RNGTT: variants seen among roughly 807,000 people sequenced by gnomAD.
RNGTT encodes the protein mRNA-capping enzyme.
A neutral mutation model predicts 79.3 loss-of-function variants in RNGTT; 33 were observed. That is an observed-to-expected ratio of 0.42 (90% confidence interval 0.32 to 0.56). RNGTT has a LOEUF of 0.56. Ranked by LOEUF, RNGTT falls within the 20% of genes least tolerant of loss-of-function variation. The probability of loss-of-function intolerance (pLI) is 0.17; values close to 1 mark genes in which losing one functional copy is unlikely to be tolerated. For missense variants in RNGTT, 497 were observed against 739.1 expected (o/e 0.67, Z 3.80); for synonymous variants, 222 against 235.9 (o/e 0.94, Z 0.54).
At chr6:88,649,133 G>A (rs1055026951) in intron 14 of RNGTT, among the ~76,000 whole-genome samples, 1 of 152,122 alleles carries the variant, frequency 6.6e-6, no homozygotes, top group African/African-American at 2.4e-5. Flanking sequence ...ACCTATCATC[G>A]ATGTTAAGTG....
chr6:88,726,398 A>C (rs1462291348), intron 13 of RNGTT, among the ~76,000 whole-genome samples: 1 of 145,954 alleles, frequency 6.9e-6, no homozygotes, highest in African/African-American at 2.8e-5. Flanking sequence ...CCAAAAAAAA[A>C]AAAAAAAAAG....
intron 10 of RNGTT, 116 bp from the exon 11 acceptor site, chr6:88,844,637 A>G (rs1781428835): frequency 5.3e-6 from 5 of 943,684 alleles, no homozygotes; most frequent in Non-Finnish European, 7.9e-6. Context: ...CTCTGGAGTT[A>G]TTCAGTGCAC....
intron 14 of RNGTT, among the ~76,000 whole-genome samples, chr6:88,618,666 T>G: frequency 6.6e-6 from 1 of 152,218 alleles, no homozygotes; most frequent in East Asian, 1.9e-4. Flanking sequence ...CACCATATAT[T>G]TTATGTTGAA....
rs917039813 is a variant in RNGTT, at chr6:88,802,101, T to C, written c.1270-469A>G. Among the ~76,000 whole-genome samples, 9 of 152,234 alleles carry C rather than the reference T, an allele frequency of 5.9e-5. No individual in the cohort carries two copies. In the East Asian group the frequency reaches 1.2e-3, roughly 20 times the overall value. The stretch of plus-strand genomic sequence containing the variant: ...CAAAGAAATACTTGGGGACAAGAAT[T>C]TGTAACTACAAACTAGCTCAAACAT... On this transcript the variant is annotated intron_variant, in intron 11 of 15. Coordinates refer to ENST00000369485, the MANE Select transcript of RNGTT (RefSeq NM_003800.5).
At chr6:88,952,488 C>A (rs75628561) in intron 1 of RNGTT, among the ~76,000 whole-genome samples, 3 of 152,350 alleles carry the variant, frequency 2.0e-5, no homozygotes, top group Non-Finnish European at 4.4e-5. Flanking sequence ...AGCACCACCT[C>A]CTGGCTGAAA....
intron 6 of RNGTT, 141 bp downstream of exon 6, chr6:88,904,574 A>AAAT: frequency 3.5e-6 from 3 of 867,642 alleles, no homozygotes; most frequent in African/African-American, 1.8e-5. Flanking sequence ...AAAAAAAAAA[A>AAAT]TTTTTTTTTT....
chr6:88,811,326 T>C (rs1305299258), intron 11 of RNGTT, among the ~76,000 whole-genome samples: 1 of 152,218 alleles, frequency 6.6e-6, no homozygotes, highest in Non-Finnish European at 1.5e-5. Flanking sequence ...AGGTTTTTCC[T>C]ATAAAACTTA....
chr6:88,915,854 A>T (rs535995528), intron 4 of RNGTT, among the ~76,000 whole-genome samples: 6 of 152,258 alleles, frequency 3.9e-5, no homozygotes, highest in Non-Finnish European at 7.3e-5. Context: ...TCTGGAATAT[A>T]TAAAGAACTA....
At chr6:88,911,913 C>T (rs1333068240) in intron 4 of RNGTT, among the ~76,000 whole-genome samples, 1 of 151,768 alleles carries the variant, frequency 6.6e-6, no homozygotes, top group Non-Finnish European at 1.5e-5. Flanking sequence ...TAGCAAGACT[C>T]CTGTCTCTAC....
In RNGTT at chr6:88,733,626, C is replaced by T. The variant is rs531963913; in HGVS notation, c.1439+36148G>A. On this transcript the variant is annotated intron_variant, in intron 13 of 15. Transcript: ENST00000369485. Reference sequence around the variant, plus strand: ...AAACAATCACCGAGCAGGATAAAAACTGAAAAAATCTACACACAGGCACAT... The same window carrying T: ...AAACAATCACCGAGCAGGATAAAAATTGAAAAAATCTACACACAGGCACAT... 2.5e-4 allele frequency among the ~76,000 whole-genome samples: 38 copies of T among 151,264 alleles called. 1 individual carries two copies. The South Asian group carries it at 8.0e-3, about 32-fold the overall frequency.
In RNGTT at chr6:88,614,905, C is replaced by T. The variant is rs188077462; in HGVS notation, c.1507-510G>A. Among the ~76,000 whole-genome samples, 9 of 152,284 alleles carry T rather than the reference C, an allele frequency of 5.9e-5. No homozygotes were observed. In the East Asian group the frequency reaches 1.7e-3, roughly 29 times the overall value. On this transcript the variant is annotated intron_variant, in intron 14 of 15. Coordinates refer to ENST00000369485, the MANE Select transcript of RNGTT (RefSeq NM_003800.5). ...ATGTACATCCTAAATATTTTGCTTT[C>T]CAAGCAGTGACAATTAACCAACAAT...
At chr6:88,743,298 T>C (rs1054755096) in intron 13 of RNGTT, among the ~76,000 whole-genome samples, 1 of 152,064 alleles carries the variant, frequency 6.6e-6, no homozygotes, top group Non-Finnish European at 1.5e-5. Context: ...CTTGTTTTTT[T>C]CTCCAATTTT....
chr6:88,721,352 G>A (rs2127813395), intron 13 of RNGTT, among the ~76,000 whole-genome samples: 1 of 152,124 alleles, frequency 6.6e-6, no homozygotes, highest in Admixed American at 6.5e-5. Context: ...GATGATCCCA[G>A]CCTCTCTAAA....
chr6:88,914,732 T>C (rs766823293), intron 4 of RNGTT, among the ~76,000 whole-genome samples: 2 of 151,984 alleles, frequency 1.3e-5, no homozygotes, highest in East Asian at 1.9e-4. Context: ...AGCCTAGGCA[T>C]AGAATTTATG....
At chr6:88,732,417 C>G (rs1777146873) in intron 13 of RNGTT, among the ~76,000 whole-genome samples, 1 of 152,050 alleles carries the variant, frequency 6.6e-6, no homozygotes, top group Non-Finnish European at 1.5e-5. Flanking sequence ...TGGGAATGTA[C>G]AATGGTACAG....
At chr6:88,911,975 G>C (rs1161011228) in intron 4 of RNGTT, among the ~76,000 whole-genome samples, 1 of 151,892 alleles carries the variant, frequency 6.6e-6, no homozygotes, top group Non-Finnish European at 1.5e-5. Context: ...CAGCTACTTG[G>C]GGAGTGCTGA....
At chr6:88,852,751 A>T (rs1278675721) in intron 9 of RNGTT, among the ~76,000 whole-genome samples, 1 of 152,166 alleles carries the variant, frequency 6.6e-6, no homozygotes, top group African/African-American at 2.4e-5. Flanking sequence ...ACTTGTACGG[A>T]CATGTAGGCC....
intron 2 of RNGTT, among the ~76,000 whole-genome samples, chr6:88,938,725 T>C (rs1204784755): frequency 6.6e-6 from 1 of 152,180 alleles, no homozygotes; most frequent in Non-Finnish European, 1.5e-5. Flanking sequence ...ATTTATATTT[T>C]TGTGTTTTCA....
chr6:88,797,695 A>T (rs1455884066), intron 12 of RNGTT, among the ~76,000 whole-genome samples: 1 of 152,082 alleles, frequency 6.6e-6, no homozygotes, highest in Non-Finnish European at 1.5e-5. Flanking sequence ...ATACAATTGT[A>T]TACTATTTGA....
Sources: gnomAD v4.1 joint callset for allele counts (sites outside exome capture counted in the v4.1 genomes callset) on GRCh38, gnomAD v4.1.1 for gene constraint, MANE v1.5 for transcripts, NCBI Gene and HGNC (gene_info 2026-07-23, HGNC 2026-07-21) for gene names.